The following AGBL4 variants were observed in gnomAD, a reference collection of about 807,000 sequenced individuals.
AGBL4 encodes the protein cytosolic carboxypeptidase 6.
A neutral mutation model predicts 66.4 loss-of-function variants in AGBL4; 58 were observed. The ratio of observed to expected loss-of-function variants is 0.87; its 90% CI spans 0.71 to 1.09. The LOEUF (loss-of-function observed/expected upper bound fraction) is 1.09. Ranked by LOEUF, AGBL4 falls within the 50% of genes least tolerant of loss-of-function variation. The pLI is 0.00. For synonymous variants in AGBL4, 234 were observed against 222.9 expected, an observed-to-expected ratio of 1.05 and a Z score of -0.44; for missense variants, 579 against 631.0, an observed-to-expected ratio of 0.92 and a Z score of 0.88.
intron 3 of AGBL4, among the ~76,000 whole-genome samples, chr1:49,259,412 A>G (rs1370977273): frequency 1.3e-5 from 2 of 152,128 alleles, no homozygotes; most frequent in African/African-American, 4.8e-5. Flanking sequence ...CGGGAAACCC[A>G]TCTCATGTGC....
chr1:49,077,138 T>C (rs1644727245), intron 4 of AGBL4, among the ~76,000 whole-genome samples: 1 of 152,086 alleles, frequency 6.6e-6, no homozygotes, highest in African/African-American at 2.4e-5. Context: ...TGGAAACTAC[T>C]TGAACAGTGA....
intron 2 of AGBL4, among the ~76,000 whole-genome samples, chr1:49,745,951 A>G (rs1650952792): frequency 6.6e-6 from 1 of 152,070 alleles, no homozygotes; most frequent in South Asian, 2.1e-4. Context: ...ATGAACACAA[A>G]ACATTCTCCA....
intron 3 of AGBL4, among the ~76,000 whole-genome samples, chr1:49,289,028 A>G (rs943539462): frequency 6.6e-6 from 1 of 152,220 alleles, no homozygotes; most frequent in East Asian, 1.9e-4. Context: ...AGAGAGAGAG[A>G]GAGAAAGAGA....
At chr1:49,246,551 G>A (rs1651656397) in intron 3 of AGBL4, among the ~76,000 whole-genome samples, 1 of 151,738 alleles carries the variant, frequency 6.6e-6, no homozygotes, top group Admixed American at 6.6e-5. Context: ...ATAAGTACTT[G>A]GGTAAATCTC....
chr1:48,930,861 A>G (rs1178708228), intron 5 of AGBL4, among the ~76,000 whole-genome samples: 1 of 152,172 alleles, frequency 6.6e-6, no homozygotes, highest in Non-Finnish European at 1.5e-5. Context: ...GATGTCTTTT[A>G]TGGGTCCTGC....
chr1:49,001,452 C>A (rs1661387714), intron 5 of AGBL4, among the ~76,000 whole-genome samples: 1 of 152,160 alleles, frequency 6.6e-6, no homozygotes, highest in South Asian at 2.1e-4. Context: ...AGGGACTGGG[C>A]AGGAAGATTC....
At chr1:49,755,293 T>C (rs1462785017) in intron 2 of AGBL4, among the ~76,000 whole-genome samples, 1 of 152,140 alleles carries the variant, frequency 6.6e-6, no homozygotes, top group Non-Finnish European at 1.5e-5. Context: ...TGGTAAGAAT[T>C]AGAAGGAACC....
chr1:49,105,654 C>T (rs1645279273), intron 4 of AGBL4, among the ~76,000 whole-genome samples: 2 of 152,104 alleles, frequency 1.3e-5, no homozygotes, highest in South Asian at 4.1e-4. Flanking sequence ...AGCTGTGTGA[C>T]ATAGTAGCTG....
intron 6 of AGBL4, among the ~76,000 whole-genome samples, chr1:48,778,481 T>C (rs1645196169): frequency 1.3e-5 from 2 of 152,230 alleles, no homozygotes; most frequent in Non-Finnish European, 2.9e-5. Context: ...AAAAGTATTG[T>C]CATAGAGGAA....
At chr1:49,361,676 T>C (rs1644138354) in intron 3 of AGBL4, among the ~76,000 whole-genome samples, 1 of 152,192 alleles carries the variant, frequency 6.6e-6, no homozygotes, top group African/African-American at 2.4e-5. Context: ...TCAAATGTGC[T>C]AAATCATTTA....
chr1:49,858,245 C>A (rs1185211640), intron 1 of AGBL4, among the ~76,000 whole-genome samples: 1 of 151,924 alleles, frequency 6.6e-6, no homozygotes, highest in Non-Finnish European at 1.5e-5. Flanking sequence ...AAAGAAAAGG[C>A]AATTCTTGTA....
intron 4 of AGBL4, among the ~76,000 whole-genome samples, chr1:49,148,749 T>C (rs1646268810): frequency 6.6e-6 from 1 of 152,212 alleles, no homozygotes; most frequent in Non-Finnish European, 1.5e-5. Flanking sequence ...TCAGCCCTCC[T>C]TTCTCATTCT....
chr1:49,135,241 T>C lies in AGBL4; in HGVS notation c.378-89441A>G, dbSNP rs1645986724. ...TATATTTTTGAAAACTATAATGATA[T>C]ATAAAATGTTTGTGGGTTATTGCTA... On this transcript the variant is annotated intron_variant, in intron 4 of 13. Coordinates refer to ENST00000371839, the MANE Select transcript of AGBL4 (RefSeq NM_032785.4). Among the ~76,000 whole-genome samples the C allele has an allele frequency of 2.0e-5, 3 of 152,270 alleles. No homozygotes were observed. The South Asian group carries it at 6.2e-4, about 32-fold the overall frequency.
At chr1:49,838,023 A>C (rs553338942) in intron 2 of AGBL4, among the ~76,000 whole-genome samples, 34 of 152,302 alleles carry the variant, frequency 2.2e-4, no homozygotes, top group African/African-American at 7.5e-4. Context: ...ATGAATCAAA[A>C]ATGGGTCAGT....
At chr1:48,864,508 T>C (rs1647802683) in intron 6 of AGBL4, among the ~76,000 whole-genome samples, 1 of 152,178 alleles carries the variant, frequency 6.6e-6, no homozygotes, top group Non-Finnish European at 1.5e-5. Flanking sequence ...CAAGTGGCTA[T>C]AAATAACCTA....
At chr1:50,022,608 C>T (rs1362798405) in intron 1 of AGBL4, among the ~76,000 whole-genome samples, 1 of 116,744 alleles carries the variant, frequency 8.6e-6, no homozygotes, top group African/African-American at 3.4e-5. Context: ...TGTGTATGTA[C>T]CATAACCACA....
At position 49,322,016 on chromosome 1, in the gene AGBL4, A is replaced by C. The variant is rs142233031; in HGVS notation, c.283-76152T>G. On this transcript the variant is annotated intron_variant, in intron 3 of 13. Transcript: ENST00000371839. ...CAGCCTGGGCCCTGAGTAAATTTTT[A>C]GAGCAGAGCATGCCACCAACCCAGG... Among the ~76,000 whole-genome samples, 28 of 152,374 alleles carry C rather than the reference A, an allele frequency of 1.8e-4. 1 individual carries two copies. In the East Asian group the frequency reaches 4.1e-3, roughly 22 times the overall value.
intron 1 of AGBL4, among the ~76,000 whole-genome samples, chr1:49,964,736 A>C (rs1657412842): frequency 6.6e-6 from 1 of 152,266 alleles, no homozygotes; most frequent in Admixed American, 6.5e-5. Flanking sequence ...TTTAATATAG[A>C]ACCTGATTTC....
At chr1:49,282,742 G>A (rs1410813946) in intron 3 of AGBL4, among the ~76,000 whole-genome samples, 1 of 152,192 alleles carries the variant, frequency 6.6e-6, no homozygotes, top group East Asian at 1.9e-4. Context: ...CCCTTTACGA[G>A]TCAAAGAAAG....
Sources: gnomAD v4.1 joint callset for allele counts (sites outside exome capture counted in the v4.1 genomes callset) on GRCh38, gnomAD v4.1.1 for gene constraint, MANE v1.5 for transcripts, NCBI Gene and HGNC (gene_info 2026-07-23, HGNC 2026-07-21) for gene names.